Variants in PRL observed in about 807,000 individuals in gnomAD.
PRL encodes the protein decidual prolactin.
A neutral mutation model predicts 21.3 loss-of-function variants in PRL; 24 were observed. That is an observed-to-expected ratio of 1.13 (90% confidence interval 0.82 to 1.59). PRL has a LOEUF of 1.59. Ranked by LOEUF, PRL falls within the 40% of genes most tolerant of loss-of-function variation. The probability of loss-of-function intolerance (pLI) is 0.00; values close to 1 mark genes in which losing one functional copy is unlikely to be tolerated. For synonymous variants in PRL, 118 were observed against 115.7 expected (o/e 1.02, Z -0.13); for missense variants, 243 against 286.9 (o/e 0.85, Z 1.10).
Position 22,287,605 on chromosome 6 carries a change from A to C in PRL, c.493-12T>G. On this transcript the variant is annotated splice_polypyrimidine_tract_variant and intron_variant, in intron 4 of 4. Transcript: ENST00000306482. ...GTTTCAGGATGAACCTAATCACACA[A>C]AAAAAGAGTGACTTATTCTTCATAT... 6.4e-7 allele frequency: 1 copy of C among 1,570,812 alleles called. No individual in the cohort carries two copies. Among genetic ancestry groups the C allele is most frequent in the African/African-American group, 1.4e-5 (1 of 73,712 alleles).
At chr6:22,290,143 A>G (rs1352162951) in intron 4 of PRL, 31 bp downstream of exon 4, 1 of 1,498,690 alleles carries the variant, frequency 6.7e-7, no homozygotes, top group Non-Finnish European at 9.0e-7. Flanking sequence ...TATTAATGAG[A>G]AAAACAAAGA....
chr6:22,302,768 G>T (rs960304456), exon 1 of PRL, among the ~76,000 whole-genome samples: 3 of 152,104 alleles, frequency 2.0e-5, no homozygotes, highest in Non-Finnish European at 4.4e-5. Flanking sequence ...ACCAAAGCCT[G>T]TATGTTCCGA....
At chr6:22,294,971 T>G (rs1761145007) in intron 1 of PRL, among the ~76,000 whole-genome samples, 1 of 152,222 alleles carries the variant, frequency 6.6e-6, no homozygotes, top group Non-Finnish European at 1.5e-5. Context: ...TTGTAATTTT[T>G]TTTTTAACTA....
chr6:22,292,607 C>T lies in PRL; in HGVS notation c.243G>A (p.Lys81=), dbSNP rs190050597. ...RYTHGRGFIT[K]AINSCHTSSL... ...AAGAAGTGTGGCAGCTGTTGATGGC[C>T]TTGGTAATGAACCCCCGGCCATGGG... Residue 81 remains lysine, a synonymous_variant, in exon 3 of 5, where the codon AAG becomes AAA. Coordinates refer to ENST00000306482, the MANE Select transcript of PRL (RefSeq NM_000948.6). The T allele has an allele frequency of 1.5e-5, 25 of 1,613,998 alleles. No individual in the cohort carries two copies. The highest frequency in any genetic ancestry group is 2.1e-5 in the Non-Finnish European group (25 of 1,179,984).
At position 22,292,654 on chromosome 6, in the gene PRL, G is replaced by T. The variant is rs758627799; in HGVS notation, c.205-9C>A. 1.6e-5 allele frequency: 25 copies of T among 1,607,456 alleles called. No individual in the cohort carries two copies. The South Asian group carries it at 2.4e-4, about 16-fold the overall frequency. ...TGGGTATACCGTTTATCCTGGAAAT[G>T]ATGAGACAAATTCAATTAGTTGGGG... is the stretch of plus-strand genomic sequence containing the variant. On this transcript the variant is annotated splice_polypyrimidine_tract_variant and intron_variant, in intron 2 of 4. Coordinates refer to ENST00000306482, the MANE Select transcript of PRL (RefSeq NM_000948.6).
At chr6:22,302,650 A>G (rs899224688) in intron 1 of PRL, among the ~76,000 whole-genome samples, 9 of 152,178 alleles carry the variant, frequency 5.9e-5, no homozygotes, top group African/African-American at 2.2e-4. Flanking sequence ...AGAAATGTGT[A>G]TTTTTATGCT....
chr6:22,296,829 G>A (rs528336535), intron 1 of PRL, 126 bp downstream of exon 1: 4 of 1,032,226 alleles, frequency 3.9e-6, no homozygotes, highest in Middle Eastern at 4.2e-4. Context: ...GCTTTCTAGA[G>A]GAAACATAAG....
upstream of PRL, among the ~76,000 whole-genome samples, chr6:22,297,931 T>G (rs1313414898): frequency 6.6e-6 from 1 of 151,906 alleles, no homozygotes; most frequent in African/African-American, 2.4e-5. Context: ...AAATCAGGAG[T>G]CATATGAGGA....
chr6:22,297,124 T>C, upstream of PRL: 1 of 793,204 alleles, frequency 1.3e-6, no homozygotes, highest in East Asian at 2.7e-5. Context: ...CTTTTCCTGG[T>C]CATCTATTTC....
upstream of PRL, among the ~76,000 whole-genome samples, chr6:22,300,022 A>G (rs1042525389): frequency 6.6e-6 from 1 of 152,240 alleles, no homozygotes; most frequent in East Asian, 1.9e-4. Flanking sequence ...TGAAATGATT[A>G]AAGGAGTATT....
At chr6:22,294,148 G>A (rs1267377726) in intron 2 of PRL, among the ~76,000 whole-genome samples, 3 of 152,050 alleles carry the variant, frequency 2.0e-5, no homozygotes, top group East Asian at 1.9e-4. Flanking sequence ...TTTAGGTCAG[G>A]TGTTTAAATT....
chr6:22,287,546 T>C lies in PRL; in HGVS notation c.540A>G (p.Gly180=), dbSNP rs765663094. 83 of 1,613,892 alleles carry C rather than the reference T, an allele frequency of 5.1e-5. No homozygotes were observed. The highest frequency in any genetic ancestry group is 6.5e-5 in the Non-Finnish European group (77 of 1,179,938). ...KENEIYPVWS[G]LPSLQMADEE... is the part of the protein sequence containing the mutation. ...CATCAGCCATCTGCAGGGATGGAAG[T>C]CCCGACCAGACAGGGTAGATCTCAT... Residue 180 remains glycine, a synonymous_variant, in exon 5 of 5, where the codon GGA becomes GGG. Transcript: ENST00000306482.
In PRL at chr6:22,294,589, T is replaced by TTA; in HGVS notation, c.29-7_29-6dup. On this transcript the variant is annotated splice_region_variant and splice_polypyrimidine_tract_variant and intron_variant, in intron 1 of 4. Transcript: ENST00000306482. ...CCAGCAGCAGCAGGAGGGACCCTGC[T>TTA]TAAATAAGAACGCGAGCCACTCTGA... The TTA allele has an allele frequency of 3.9e-6, 6 of 1,551,498 alleles. No individual in the cohort carries two copies. The highest frequency in any genetic ancestry group is 5.2e-6 in the Non-Finnish European group (6 of 1,151,488).
At chr6:22,290,420 T>C in intron 3 of PRL, 67 bp from the exon 4 acceptor site, 1 of 1,324,190 alleles carries the variant, frequency 7.6e-7, no homozygotes, top group East Asian at 2.5e-5. Context: ...TACTTGTGAT[T>C]TTTGCTTAGA....
chr6:22,295,151 A>G (rs1043629868), intron 1 of PRL, among the ~76,000 whole-genome samples: 6 of 152,198 alleles, frequency 3.9e-5, no homozygotes, highest in African/African-American at 1.4e-4. Context: ...TAGATCTGCT[A>G]ACTCGTAATA....
upstream of PRL, chr6:22,297,417 T>C (rs1761201992): frequency 6.2e-6 from 1 of 160,544 alleles, no homozygotes; most frequent in Admixed American, 6.1e-5. Flanking sequence ...TCATGTATTA[T>C]CAGTTATCAA....
upstream of PRL, among the ~76,000 whole-genome samples, chr6:22,298,449 T>A (rs1761223320): frequency 6.6e-6 from 1 of 152,198 alleles, no homozygotes; most frequent in Admixed American, 6.5e-5. Context: ...AAAATAGTCT[T>A]CCTATGGCAT....
upstream of PRL, among the ~76,000 whole-genome samples, chr6:22,299,887 C>A (rs1761252148): frequency 6.6e-6 from 1 of 151,640 alleles, no homozygotes; most frequent in African/African-American, 2.4e-5. Flanking sequence ...GTGTCTACTG[C>A]AAAATATGCT....
chr6:22,287,386 T>C lies in PRL; in HGVS notation c.*16A>G, dbSNP rs1157464289. 2 of 1,598,242 alleles carry C rather than the reference T, an allele frequency of 1.3e-6. No homozygotes were observed. Among genetic ancestry groups the C allele is most frequent in the African/African-American group, 1.3e-5 (1 of 74,796 alleles). On this transcript the variant is annotated 3_prime_UTR_variant, in exon 5 of 5. Transcript: ENST00000306482. The stretch of plus-strand genomic sequence containing the variant: ...CATTAAGGACCTTCTCAGAAATAGA[T>C]GAAATGGATGTGGGCTTAGCAGTTG...
Sources: gnomAD v4.1 joint callset for allele counts (sites outside exome capture counted in the v4.1 genomes callset) on GRCh38, gnomAD v4.1.1 for gene constraint, MANE v1.5 for transcripts, NCBI Gene and HGNC (gene_info 2026-07-23, HGNC 2026-07-21) for gene names.